PLEKHA5: variants seen among roughly 807,000 people sequenced by gnomAD.
PLEKHA5 encodes pleckstrin homology domain containing A5.
In PLEKHA5, 55 loss-of-function variants were observed where a neutral mutation model predicts 181.9. The observed-to-expected ratio is 0.30, with a 90% CI of 0.24 to 0.38. PLEKHA5 has a LOEUF of 0.38. PLEKHA5 is among the 10% of genes least tolerant of loss of function. The pLI is 1.00. For synonymous variants in PLEKHA5, 535 were observed against 529.4 expected, an observed-to-expected ratio of 1.01 and a Z score of -0.15; for missense variants, 1,432 against 1,549.5, an observed-to-expected ratio of 0.92 and a Z score of 1.27.
At chr12:19,200,149 GA>G (rs747319422) in intron 3 of PLEKHA5, among the ~76,000 whole-genome samples, 1 of 151,922 alleles carries the variant, frequency 6.6e-6, no homozygotes, top group Non-Finnish European at 1.5e-5. Context: ...TCCCAACACA[GA>G]AAAATGATTA....
At chr12:19,167,530 C>T (rs2151599399) in intron 3 of PLEKHA5, among the ~76,000 whole-genome samples, 2 of 148,038 alleles carry the variant, frequency 1.4e-5, no homozygotes, top group East Asian at 4.1e-4. Flanking sequence ...AATCCTGTCT[C>T]TTCCCTGTTG....
intron 3 of PLEKHA5, among the ~76,000 whole-genome samples, chr12:19,192,739 C>A (rs1283182723): frequency 2.6e-5 from 4 of 152,062 alleles, no homozygotes; most frequent in African/African-American, 9.7e-5. Context: ...TTTATTCTTA[C>A]TAAAATTAGT....
intron 10 of PLEKHA5, among the ~76,000 whole-genome samples, chr12:19,273,293 C>CTAAATAT (rs1248103234): frequency 5.3e-5 from 8 of 152,122 alleles, no homozygotes; most frequent in African/African-American, 1.9e-4. Flanking sequence ...ATCTAGAAGC[C>CTAAATAT]ATGGTTTATA....
chr12:19,140,828 G>A (rs912643997), intron 3 of PLEKHA5, among the ~76,000 whole-genome samples: 1 of 152,144 alleles, frequency 6.6e-6, no homozygotes, highest in Non-Finnish European at 1.5e-5. Flanking sequence ...TCGCTCTGTT[G>A]CCTAGGCTGG....
At chr12:19,360,936 T>G (rs946681356) in intron 28 of PLEKHA5, among the ~76,000 whole-genome samples, 2 of 152,010 alleles carry the variant, frequency 1.3e-5, no homozygotes, top group Non-Finnish European at 2.9e-5. Flanking sequence ...TTTGTGTTAT[T>G]AGTAGAGACG....
rs34370470 is a variant in PLEKHA5 at position 19,200,549 on chromosome 12, C to G, written c.228-53391C>G. On this transcript the variant is annotated intron_variant, in intron 3 of 31. Transcript: ENST00000429027. ...ACCTCAGAATGCTTGTCTCACTCCTCTTTTCCTCATTCCTAGTAGATCATA... is the reference window on the plus strand; with the variant it reads ...ACCTCAGAATGCTTGTCTCACTCCTGTTTTCCTCATTCCTAGTAGATCATA... 3,810 of 1,303,596 alleles carry G rather than the reference C, an allele frequency of 2.9e-3. 15 individuals carry two copies. The highest frequency in any genetic ancestry group is 0.019 in the Middle Eastern group (69 of 3,614). 80.8% of individuals were successfully genotyped at this position (1,303,596 alleles called of 1,614,324 possible).
chr12:19,345,784 T>C (rs1404814881), intron 22 of PLEKHA5, 58 bp from the exon 23 acceptor site: 1 of 841,862 alleles, frequency 1.2e-6, no homozygotes, highest in Non-Finnish European at 1.9e-6. Context: ...GAAATTGTTC[T>C]TTTTTTATAG....
chr12:19,316,525 T>C (rs1213486450), intron 16 of PLEKHA5, among the ~76,000 whole-genome samples: 1 of 152,194 alleles, frequency 6.6e-6, no homozygotes, highest in Non-Finnish European at 1.5e-5. Context: ...TATTTCTTTA[T>C]ATTAATATGT....
At chr12:19,148,017 AT>A (rs57428517) in intron 3 of PLEKHA5, among the ~76,000 whole-genome samples, 151,846 of 152,316 alleles carry the variant, frequency 1, 75,692 homozygotes, top group Middle Eastern at 1. Flanking sequence ...GATTATAGGC[AT>A]TGAGCAGCTG....
Position 19,345,888 on chromosome 12 carries a change from G to T in PLEKHA5, c.2709G>T (p.Glu903Asp). 1 of 1,441,564 alleles carries T rather than the reference G, an allele frequency of 6.9e-7. No homozygotes were observed. Among genetic ancestry groups the T allele is most frequent in the South Asian group, 1.2e-5 (1 of 84,234 alleles). 89.3% of individuals were successfully genotyped at this position (1,441,564 alleles called of 1,614,324 possible). ...TCTCAACAGTTAAGTACAAAAATGA[G>T]GTAAGTTTGGATTGTTTTTCTAATT... ...KPFSTVKYKN[E>D]EEEVVPPRPP... is the part of the protein sequence containing the mutation. Residue 903 changes from glutamate to aspartate, a missense_variant and splice_region_variant, in exon 23 of 32, where the codon GAG becomes GAT. Physicochemically the swap from Glu to Asp is conservative, Grantham distance 45. Coordinates refer to ENST00000429027, the MANE Select transcript of PLEKHA5 (RefSeq NM_001256470.2).
At chr12:19,260,020 A>G (rs2067995197) in intron 6 of PLEKHA5, among the ~76,000 whole-genome samples, 1 of 151,352 alleles carries the variant, frequency 6.6e-6, no homozygotes, top group African/African-American at 2.4e-5. Flanking sequence ...ATTTTGCTAC[A>G]TTGCATATGG....
In PLEKHA5 at chr12:19,358,216, T is replaced by TTCCTTCA; in HGVS notation, c.3139-11_3139-10insCCTTCAT. The TTCCTTCA allele has an allele frequency of 1.3e-6, 2 of 1,593,602 alleles. No individual in the cohort carries two copies. The highest frequency in any genetic ancestry group is 1.7e-6 in the Non-Finnish European group (2 of 1,162,676). ...TCATTTATGTATTGATATGTTCATT[T>TTCCTTCA]TTACATTGAAGGAAAGACCAAGAAG... On this transcript the variant is annotated splice_polypyrimidine_tract_variant and intron_variant, in intron 26 of 31. Coordinates refer to ENST00000429027, the MANE Select transcript of PLEKHA5 (RefSeq NM_001256470.2).
intron 22 of PLEKHA5, 34 bp from the exon 23 acceptor site, chr12:19,345,808 T>C (rs780072082): frequency 4.9e-6 from 5 of 1,022,930 alleles, no homozygotes; most frequent in Admixed American, 2.2e-5. Context: ...TAGAAAGATA[T>C]GTTTAATATA....
At chr12:19,281,700 T>G (rs972009549) in intron 11 of PLEKHA5, among the ~76,000 whole-genome samples, 6 of 152,220 alleles carry the variant, frequency 3.9e-5, no homozygotes, top group African/African-American at 1.4e-4. Flanking sequence ...ATCATGAATT[T>G]CACCTAGTAT....
chr12:19,269,967 A>G (rs879240798), intron 9 of PLEKHA5, 82 bp downstream of exon 9: 4 of 745,150 alleles, frequency 5.4e-6, no homozygotes, highest in South Asian at 5.3e-5. Flanking sequence ...GTCATAGTAC[A>G]TATCATTTTA....
At chr12:19,309,518 G>A (rs538884183) in intron 15 of PLEKHA5, among the ~76,000 whole-genome samples, 43 of 152,224 alleles carry the variant, frequency 2.8e-4, no homozygotes, top group African/African-American at 9.6e-4. Context: ...CACTTTGGGA[G>A]GCCGAGGCGG....
intron 3 of PLEKHA5, among the ~76,000 whole-genome samples, chr12:19,186,511 C>T (rs1166803090): frequency 1.3e-5 from 2 of 152,194 alleles, no homozygotes; most frequent in South Asian, 2.1e-4. Context: ...AAAATAAGCT[C>T]GAATTTAGTA....
At chr12:19,200,196 CT>C (rs1384920399) in intron 3 of PLEKHA5, 4 of 642,316 alleles carry the variant, frequency 6.2e-6, no homozygotes, top group Non-Finnish European at 1.1e-5. Context: ...AATAACCTAA[CT>C]TGATCATTAC....
In PLEKHA5 at chr12:19,365,897, C is replaced by CA. The variant is rs536235722; in HGVS notation, c.3609-59dup. Reference sequence around the variant, plus strand: ...ACATAGGTGGTGGCATCTTTTATAACAAAAAAAAGAAAAATTAATTGTATT... The same window carrying CA: ...ACATAGGTGGTGGCATCTTTTATAACAAAAAAAAAGAAAAATTAATTGTATT... On this transcript the variant is annotated intron_variant, in intron 29 of 31. Coordinates refer to ENST00000429027, the MANE Select transcript of PLEKHA5 (RefSeq NM_001256470.2). 139 of 1,112,748 alleles carry CA rather than the reference C, an allele frequency of 1.2e-4. 1 individual carries two copies. The highest frequency in any genetic ancestry group is 9.1e-4 in the African/African-American group (56 of 61,566). The allele number at this position is 1,112,748 out of a possible 1,614,324, so 68.9% of individuals were successfully genotyped here.
Sources: gnomAD v4.1 joint callset for allele counts (sites outside exome capture counted in the v4.1 genomes callset) on GRCh38, gnomAD v4.1.1 for gene constraint, MANE v1.5 for transcripts, NCBI Gene and HGNC (gene_info 2026-07-23, HGNC 2026-07-21) for gene names.